The following HPCAL1 variants were observed in gnomAD, a reference collection of about 807,000 sequenced individuals.
The protein encoded by HPCAL1 is hippocalcin like 1, also known as hippocalcin-like protein 1.
A neutral mutation model predicts 17.1 loss-of-function variants in HPCAL1; 8 were observed. That is an observed-to-expected ratio of 0.47 (90% CI 0.27 to 0.84). The LOEUF is 0.84. HPCAL1 is among the 40% of genes least tolerant of loss of function. The pLI is 0.13. For missense variants in HPCAL1, 165 were observed against 271.1 expected (o/e 0.61, Z 2.75); for synonymous variants, 112 against 111.4 (o/e 1.01, Z -0.03).
chr2:10,319,497 C>T (rs569274332), intron 1 of HPCAL1, among the ~76,000 whole-genome samples: 79 of 146,130 alleles, frequency 5.4e-4, no homozygotes, highest in Non-Finnish European at 9.0e-4. Context: ...ATCAGAGCAT[C>T]GATTTAGCAA....
In HPCAL1 at chr2:10,420,209, C is replaced by CTTTTTTTT. The variant is rs369044166; in HGVS notation, c.378+89_378+96dup. 1.0e-5 allele frequency: 6 copies of CTTTTTTTT among 572,000 alleles called. 1 individual carries two copies. Among genetic ancestry groups the CTTTTTTTT allele is most frequent in the African/African-American group, 6.1e-5 (2 of 32,680 alleles). The allele number at this position is 572,000 out of a possible 1,614,324, so 35.4% of individuals were successfully genotyped here. ...CCAGCTCCCAGCCCCCAGCCCAGGGCTTTTTTTTTTTTTTTTTTTTTTAAG... is the reference window on the plus strand; with the variant it reads ...CCAGCTCCCAGCCCCCAGCCCAGGGCTTTTTTTTTTTTTTTTTTTTTTTTTTTTTTAAG... On this transcript the variant is annotated intron_variant, in intron 3 of 4. Coordinates refer to ENST00000307845, the MANE Select transcript of HPCAL1 (RefSeq NM_002149.4).
intron 1 of HPCAL1, among the ~76,000 whole-genome samples, chr2:10,385,239 G>A (rs1668232755): frequency 6.6e-6 from 1 of 152,208 alleles, no homozygotes; most frequent in Admixed American, 6.5e-5. Context: ...TGGAGAGGCT[G>A]AGAATCTGAC....
chr2:10,395,518 G>C lies in HPCAL1; in HGVS notation c.-110-1317G>C, dbSNP rs1668966441. On this transcript the variant is annotated intron_variant, in intron 1 of 4. Coordinates refer to ENST00000307845, the MANE Select transcript of HPCAL1 (RefSeq NM_002149.4). The surrounding 1 kb of genome is among the most constrained non-coding windows in gnomAD (Gnocchi z 4.4). ...AGAGGTGCAGCACCCCCATTGTGCAGGAGCGAGGGGAGCCCCGCTGGCACG... is the reference window on the plus strand; with the variant it reads ...AGAGGTGCAGCACCCCCATTGTGCACGAGCGAGGGGAGCCCCGCTGGCACG... 6.6e-6 allele frequency among the ~76,000 whole-genome samples: 1 copy of C among 152,216 alleles called. No individual in the cohort carries two copies. Among genetic ancestry groups the C allele is most frequent in the African/African-American group, 2.4e-5 (1 of 41,450 alleles).
At chr2:10,412,182 T>C (rs1178959883) in intron 2 of HPCAL1, among the ~76,000 whole-genome samples, 1 of 152,242 alleles carries the variant, frequency 6.6e-6, no homozygotes, top group African/African-American at 2.4e-5. Flanking sequence ...TTCTTCTTTT[T>C]AGAAGGTCTT....
chr2:10,322,219 C>T (rs1663711879), intron 1 of HPCAL1, among the ~76,000 whole-genome samples: 1 of 152,096 alleles, frequency 6.6e-6, no homozygotes, highest in African/African-American at 2.4e-5. Context: ...GATGAGTTCT[C>T]ACTAGATTGC....
At chr2:10,356,345 C>A (rs1666152944) in intron 1 of HPCAL1, among the ~76,000 whole-genome samples, 1 of 152,086 alleles carries the variant, frequency 6.6e-6, no homozygotes, top group Non-Finnish European at 1.5e-5. Flanking sequence ...AGTGGAGACC[C>A]CTTTTGCCTG....
intron 1 of HPCAL1, among the ~76,000 whole-genome samples, chr2:10,329,068 GTCC>G (rs1664192052): frequency 6.6e-6 from 1 of 152,054 alleles, no homozygotes; most frequent in African/African-American, 2.4e-5. Context: ...GGGTTCAAGT[GTCC>G]TCCTGCCTCG....
At position 10,330,769 on chromosome 2, in the gene HPCAL1, G is replaced by A. The variant is rs984771777; in HGVS notation, c.-111+27592G>A. Among the ~76,000 whole-genome samples the A allele has an allele frequency of 1.3e-5, 2 of 152,162 alleles. No individual in the cohort carries two copies. Among genetic ancestry groups the A allele is most frequent in the African/African-American group, 4.8e-5 (2 of 41,426 alleles). On this transcript the variant is annotated intron_variant, in intron 1 of 4. Coordinates refer to ENST00000307845, the MANE Select transcript of HPCAL1 (RefSeq NM_002149.4). This position sits in a 1 kb window ranked among gnomAD's most constrained non-coding sequence, Gnocchi z 4.2. ...GGGCTTCCACATAGGGGTTTTGTGG[G>A]GGACACACTCAGTCCACGTTAACTC...
chr2:10,395,506 C>T lies in HPCAL1; in HGVS notation c.-110-1329C>T, dbSNP rs1003585542. ...TGGAAGGAGGGGAGAGGTGCAGCAC[C>T]CCCATTGTGCAGGAGCGAGGGGAGC... On this transcript the variant is annotated intron_variant, in intron 1 of 4. Transcript: ENST00000307845. This position sits in a 1 kb window ranked among gnomAD's most constrained non-coding sequence, Gnocchi z 4.4. Among the ~76,000 whole-genome samples the T allele has an allele frequency of 1.3e-5, 2 of 152,128 alleles. No homozygotes were observed. The highest frequency in any genetic ancestry group is 2.9e-5 in the Non-Finnish European group (2 of 68,014).
At chr2:10,383,497 C>T (rs1329984480) in intron 1 of HPCAL1, among the ~76,000 whole-genome samples, 1 of 151,986 alleles carries the variant, frequency 6.6e-6, no homozygotes. Context: ...CAAGTAGCTG[C>T]GATTACAGGC....
intron 2 of HPCAL1, among the ~76,000 whole-genome samples, chr2:10,407,786 C>T (rs1670062786): frequency 6.6e-6 from 1 of 152,206 alleles, no homozygotes; most frequent in Non-Finnish European, 1.5e-5. Context: ...CTGGAACACG[C>T]TGAGCAGCTT....
At chr2:10,389,005 T>G (rs1192110601) in intron 1 of HPCAL1, among the ~76,000 whole-genome samples, 1 of 152,086 alleles carries the variant, frequency 6.6e-6, no homozygotes. Flanking sequence ...GAAGGTGACG[T>G]AGGAGGCGGG....
chr2:10,341,528 C>A (rs1468425691), intron 1 of HPCAL1, among the ~76,000 whole-genome samples: 2 of 150,856 alleles, frequency 1.3e-5, no homozygotes, highest in African/African-American at 2.4e-5. Flanking sequence ...ATAGTAGGCT[C>A]AGGAATGACC....
At chr2:10,308,612 T>C (rs934303548) in intron 1 of HPCAL1, among the ~76,000 whole-genome samples, 1 of 152,152 alleles carries the variant, frequency 6.6e-6, no homozygotes, top group Non-Finnish European at 1.5e-5. Flanking sequence ...TGCTTGGCCA[T>C]CCCGCTGCTA....
At chr2:10,348,773 T>C (rs1469081508) in intron 1 of HPCAL1, among the ~76,000 whole-genome samples, 1 of 152,126 alleles carries the variant, frequency 6.6e-6, no homozygotes, top group Non-Finnish European at 1.5e-5. Flanking sequence ...AGTGAGACTC[T>C]GTCTCAAGAA....
At chr2:10,374,853 C>G (rs1667450849) in intron 1 of HPCAL1, among the ~76,000 whole-genome samples, 1 of 152,242 alleles carries the variant, frequency 6.6e-6, no homozygotes, top group Admixed American at 6.5e-5. Flanking sequence ...GCTGTGTCCT[C>G]CACCAGAGTG....
chr2:10,380,535 G>A (rs1667874128), intron 1 of HPCAL1, among the ~76,000 whole-genome samples: 1 of 152,228 alleles, frequency 6.6e-6, no homozygotes. Flanking sequence ...ATCACCCACT[G>A]GCCTCCATGG....
At chr2:10,320,202 A>G (rs999618036) in intron 1 of HPCAL1, among the ~76,000 whole-genome samples, 1 of 152,108 alleles carries the variant, frequency 6.6e-6, no homozygotes, top group Non-Finnish European at 1.5e-5. Flanking sequence ...CACTTCCCAG[A>G]CATGAGTCTT....
rs13004177 is a variant in HPCAL1, at chr2:10,343,915, T to C, written c.-111+40738T>C. On this transcript the variant is annotated intron_variant, in intron 1 of 4. Transcript: ENST00000307845. This position sits in a 1 kb window ranked among gnomAD's most constrained non-coding sequence, Gnocchi z 4.8. ...AAGCAAGCAGTTCTGGAGTGAGGCT[T>C]GGGCCTCCATGCCTCCTGGGAGGCT... 0.23 allele frequency among the ~76,000 whole-genome samples: 34,603 copies of C among 151,978 alleles called. 3,998 individuals carry two copies. The highest frequency in any genetic ancestry group is 0.26 in the Non-Finnish European group (17,470 of 67,962).
Sources: allele counts gnomAD v4.1 joint callset (sites outside exome capture counted in the v4.1 genomes callset), GRCh38; gene constraint gnomAD v4.1.1; non-coding constraint Gnocchi (gnomAD v3.1); transcripts MANE v1.5; gene names NCBI Gene and HGNC (gene_info 2026-07-23, HGNC 2026-07-21).